Variants in NEBL observed in about 807,000 individuals in gnomAD.
NEBL encodes LIM and SH3 protein 2.
NEBL carries 122 observed loss-of-function variants against 140.2 expected under a neutral mutation model. The observed-to-expected ratio is 0.87, with a 90% CI of 0.75 to 1.01. The LOEUF is 1.01. Ranked by LOEUF, NEBL falls within the 50% of genes least tolerant of loss-of-function variation. The pLI, the probability that NEBL is intolerant of heterozygous loss-of-function variation, is 0.00. For missense variants in NEBL, 1,365 were observed against 1,231.3 expected (o/e 1.11, Z -1.62); for synonymous variants, 436 against 398.9 (o/e 1.09, Z -1.11).
rs1478427911 is a variant in NEBL, at chr10:21,173,216, C to T, written c.69+549G>A. Among the ~76,000 whole-genome samples, 1 of 152,220 alleles carries T rather than the reference C, an allele frequency of 6.6e-6. No homozygotes were observed. Among genetic ancestry groups the T allele is most frequent in the Admixed American group, 6.5e-5 (1 of 15,290 alleles). ...TTCCCCACCCGGTGGATTAGACACCCGTGGGTCCGGCTTGCCGCGCTGAGC... is the reference window on the plus strand; with the variant it reads ...TTCCCCACCCGGTGGATTAGACACCTGTGGGTCCGGCTTGCCGCGCTGAGC... On this transcript the variant is annotated intron_variant, in intron 1 of 6. Coordinates refer to the NEBL transcript ENST00000417816. This position sits in a 1 kb window ranked among gnomAD's most constrained non-coding sequence, Gnocchi z 5.7.
chr10:21,151,794 T>C (rs543729325), intron 2 of NEBL, among the ~76,000 whole-genome samples: 24 of 152,318 alleles, frequency 1.6e-4, no homozygotes, highest in African/African-American at 5.5e-4. Context: ...GACCAACTTA[T>C]GCAAAATTGC....
At chr10:21,200,516 A>G (rs1841718189) in intron 3 of NEBL, among the ~76,000 whole-genome samples, 1 of 151,774 alleles carries the variant, frequency 6.6e-6, no homozygotes, top group Admixed American at 6.6e-5. Context: ...GTTTCACCAT[A>G]TTGGTCAGGC....
intron 2 of NEBL, among the ~76,000 whole-genome samples, chr10:21,250,875 A>G (rs1175006384): frequency 6.6e-6 from 1 of 152,182 alleles, no homozygotes; most frequent in Non-Finnish European, 1.5e-5. Flanking sequence ...CCTGGGCAAC[A>G]AGAGCAAGAC....
intron 1 of NEBL, among the ~76,000 whole-genome samples, chr10:21,259,696 G>A (rs1286411930): frequency 1.3e-5 from 2 of 152,142 alleles, no homozygotes; most frequent in African/African-American, 4.8e-5. Flanking sequence ...AGCTCCAGAG[G>A]AGGCCCCAAC....
intron 3 of NEBL, among the ~76,000 whole-genome samples, chr10:21,183,144 C>T (rs1204495436): frequency 6.6e-6 from 1 of 152,156 alleles, no homozygotes; most frequent in Admixed American, 6.5e-5. Flanking sequence ...ATTCTGCTGA[C>T]ATGAAAACCG....
At chr10:21,116,696 A>G (rs1003864186) in intron 2 of NEBL, among the ~76,000 whole-genome samples, 1 of 151,914 alleles carries the variant, frequency 6.6e-6, no homozygotes, top group Non-Finnish European at 1.5e-5. Context: ...TTTGGAGACA[A>G]GGTCTTGCTG....
intron 5 of NEBL, among the ~76,000 whole-genome samples, chr10:20,873,984 T>C (rs971436982): frequency 2.0e-5 from 3 of 152,224 alleles, no homozygotes; most frequent in African/African-American, 7.2e-5. Flanking sequence ...ATCATTTTTA[T>C]ACATTTATCT....
At chr10:20,959,761 A>T (rs1835968609) in intron 4 of NEBL, among the ~76,000 whole-genome samples, 1 of 152,034 alleles carries the variant, frequency 6.6e-6, no homozygotes, top group South Asian at 2.1e-4. Flanking sequence ...GGCTGCTAAC[A>T]TTAAGACATC....
intron 4 of NEBL, among the ~76,000 whole-genome samples, chr10:20,909,158 TAC>T (rs1367521181): frequency 6.6e-6 from 1 of 151,918 alleles, no homozygotes; most frequent in Non-Finnish European, 1.5e-5. Context: ...AACATCCAAC[TAC>T]ACTCTTTGCA....
At chr10:21,055,114 C>A (rs999793085) in intron 2 of NEBL, among the ~76,000 whole-genome samples, 1 of 152,130 alleles carries the variant, frequency 6.6e-6, no homozygotes, top group Non-Finnish European at 1.5e-5. Flanking sequence ...ACTGAGAATT[C>A]TTTTAAGCTT....
At chr10:21,063,555 T>C (rs188269218) in intron 2 of NEBL, among the ~76,000 whole-genome samples, 2 of 152,228 alleles carry the variant, frequency 1.3e-5, no homozygotes, top group East Asian at 3.9e-4. Context: ...ACAGTGGTTA[T>C]ATTTTTCTTC....
chr10:21,009,838 A>G (rs1243830905), intron 3 of NEBL, among the ~76,000 whole-genome samples: 1 of 152,222 alleles, frequency 6.6e-6, no homozygotes, highest in Non-Finnish European at 1.5e-5. Flanking sequence ...AAGGAAAATG[A>G]CAAGTAGGCT....
chr10:21,154,961 G>A (rs1840282909), intron 2 of NEBL, among the ~76,000 whole-genome samples: 1 of 152,196 alleles, frequency 6.6e-6, no homozygotes, highest in Non-Finnish European at 1.5e-5. Context: ...AGCACTTTGG[G>A]AGGCCGAGGC....
chr10:20,796,308 G>A (rs762366632), intron 26 of NEBL, among the ~76,000 whole-genome samples: 7 of 133,988 alleles, frequency 5.2e-5, no homozygotes, highest in Non-Finnish European at 9.3e-5. Flanking sequence ...GCAGTGAGCC[G>A]AGATTGCACC....
intron 26 of NEBL, among the ~76,000 whole-genome samples, chr10:20,803,734 A>G (rs886921057): frequency 4.0e-5 from 6 of 151,348 alleles, no homozygotes; most frequent in Admixed American, 3.3e-4. Flanking sequence ...AGAGCCCAGC[A>G]GAGCACACAT....
intron 19 of NEBL, among the ~76,000 whole-genome samples, chr10:20,822,757 C>A (rs960555432): frequency 1.3e-5 from 2 of 151,824 alleles, no homozygotes; most frequent in African/African-American, 4.8e-5. Context: ...AAGAAAATAT[C>A]AATATATGTT....
chr10:20,861,550 A>T (rs908596302), intron 7 of NEBL, among the ~76,000 whole-genome samples: 1 of 152,048 alleles, frequency 6.6e-6, no homozygotes, highest in Non-Finnish European at 1.5e-5. Context: ...TGTCTCTCCT[A>T]AGTTTGTAGT....
chr10:20,976,177 A>G (rs931412734), intron 3 of NEBL, among the ~76,000 whole-genome samples: 6 of 150,708 alleles, frequency 4.0e-5, no homozygotes, highest in African/African-American at 1.5e-4. Context: ...TCTACTAAAA[A>G]TACAAAAAAA....
chr10:21,127,992 A>C (rs1213441960), intron 2 of NEBL, among the ~76,000 whole-genome samples: 1 of 152,242 alleles, frequency 6.6e-6, no homozygotes, highest in African/African-American at 2.4e-5. Context: ...GTATTTATAC[A>C]TACAACTAGG....
Sources: allele counts gnomAD v4.1 joint callset (sites outside exome capture counted in the v4.1 genomes callset), GRCh38; gene constraint gnomAD v4.1.1; non-coding constraint Gnocchi (gnomAD v3.1); transcripts MANE v1.5; gene names NCBI Gene and HGNC (gene_info 2026-07-23, HGNC 2026-07-21).